TEX11: variants seen among roughly 807,000 people sequenced by gnomAD.
TEX11 encodes testis expressed 11.
Under a neutral mutation model 84.4 loss-of-function variants are expected in TEX11, and 7 were observed. The observed-to-expected ratio is 0.08, with a 90% CI of 0.05 to 0.16. TEX11 has a LOEUF of 0.16. TEX11 is among the 10% of genes least tolerant of loss of function. The pLI is 1.00. For synonymous variants in TEX11, 264 were observed against 222.8 expected (o/e 1.18, Z -1.64); for missense variants, 551 against 660.5 (o/e 0.83, Z 1.82).
At chrX:70,805,730 C>CT (rs1490562198) in intron 9 of TEX11, among the ~76,000 whole-genome samples, 2 of 111,571 alleles carry the variant, frequency 1.8e-5, no homozygotes, top group Admixed American at 9.5e-5. Context: ...ATTCAAAGCA[C>CT]TGCACCTTAT....
At position 70,556,754 on chromosome X, in the gene TEX11, A is replaced by C. The variant is rs2088292014; in HGVS notation, c.2141-1954T>G. On this transcript the variant is annotated intron_variant, in intron 25 of 29. Coordinates refer to ENST00000374333, the MANE Select transcript of TEX11 (RefSeq NM_031276.3). ...TTTCCAAGTAGTTATGGATTTGTCTATTCCTCATTTTAGTTCTAGCAGTTT... is the reference window on the plus strand; with the variant it reads ...TTTCCAAGTAGTTATGGATTTGTCTCTTCCTCATTTTAGTTCTAGCAGTTT... 2.7e-5 allele frequency among the ~76,000 whole-genome samples: 3 copies of C among 111,443 alleles called. No homozygotes were observed. The Admixed American group carries it at 2.9e-4, about 11-fold the overall frequency.
intron 17 of TEX11, among the ~76,000 whole-genome samples, chrX:70,650,270 G>GC (rs1324369144): frequency 9.0e-6 from 1 of 110,973 alleles, no homozygotes; most frequent in African/African-American, 3.3e-5. Flanking sequence ...CCATACACTA[G>GC]CAAGAGTAAA....
At chrX:70,899,480 A>G (rs2091790522) in intron 2 of TEX11, among the ~76,000 whole-genome samples, 1 of 111,060 alleles carries the variant, frequency 9.0e-6, no homozygotes, top group African/African-American at 3.3e-5. Context: ...TTTAAGTTAC[A>G]TTTCTAACTC....
chrX:70,864,869 C>A (rs1312549475), intron 4 of TEX11, among the ~76,000 whole-genome samples: 1 of 110,483 alleles, frequency 9.1e-6, no homozygotes, highest in Non-Finnish European at 1.9e-5. Context: ...GACCACCAGG[C>A]CTGCCTTACA....
intron 25 of TEX11, among the ~76,000 whole-genome samples, chrX:70,570,301 C>T (rs2088573779): frequency 8.9e-6 from 1 of 111,946 alleles, no homozygotes; most frequent in Non-Finnish European, 1.9e-5. Flanking sequence ...TTTCCAGGTG[C>T]CGTCTGTCAC....
chrX:70,520,361 T>A, the TEX11 span, among the ~76,000 whole-genome samples: 2 of 112,507 alleles, frequency 1.8e-5, no homozygotes, highest in African/African-American at 6.5e-5. Flanking sequence ...TAGTTTTCCT[T>A]CTACCAGTCA....
chrX:70,605,627 G>A, intron 23 of TEX11, 110 bp from the exon 24 acceptor site: 1 of 493,013 alleles, frequency 2.0e-6, no homozygotes, highest in Admixed American at 3.2e-5. Flanking sequence ...AAATTCAGCT[G>A]GAAAAGCACA....
chrX:70,625,548 T>G (rs1200283552), intron 18 of TEX11, among the ~76,000 whole-genome samples: 1 of 110,659 alleles, frequency 9.0e-6, no homozygotes, highest in Admixed American at 9.7e-5. Context: ...GTAGGTGTCT[T>G]TCTTGCTCTT....
At chrX:70,884,602 C>T (rs769493059) in intron 2 of TEX11, among the ~76,000 whole-genome samples, 3 of 111,074 alleles carry the variant, frequency 2.7e-5, no homozygotes, top group East Asian at 2.8e-4. Flanking sequence ...TTTCTATCCA[C>T]GGTCACAAAG....
intron 8 of TEX11, among the ~76,000 whole-genome samples, chrX:70,822,064 A>G (rs747482844): frequency 2.7e-5 from 3 of 111,190 alleles, no homozygotes; most frequent in African/African-American, 9.8e-5. Flanking sequence ...TCATCTCTAG[A>G]TTACTTATAA....
intron 9 of TEX11, among the ~76,000 whole-genome samples, chrX:70,783,850 A>G (rs1192382157): frequency 9.0e-6 from 1 of 111,688 alleles, no homozygotes; most frequent in Non-Finnish European, 1.9e-5. Flanking sequence ...TACCAACCAA[A>G]AAAAAGTCCA....
chrX:70,726,836 T>G (rs2147725192), intron 11 of TEX11, among the ~76,000 whole-genome samples: 1 of 104,853 alleles, frequency 9.5e-6, no homozygotes, highest in Admixed American at 1.0e-4. Flanking sequence ...TGGCTGCTTT[T>G]TTTTTTTCAT....
intron 9 of TEX11, among the ~76,000 whole-genome samples, chrX:70,766,377 A>G (rs1031910933): frequency 1.9e-4 from 21 of 109,249 alleles, no homozygotes; most frequent in African/African-American, 3.3e-5. Flanking sequence ...GCGCCACTAC[A>G]CTCCAGCCTG....
chrX:70,624,072 T>C (rs2089424964), intron 19 of TEX11, 66 bp from the exon 20 acceptor site: 2 of 879,542 alleles, frequency 2.3e-6, no homozygotes, highest in Non-Finnish European at 3.2e-6. Context: ...AATGAATACA[T>C]ACCAAGTTAC....
intron 9 of TEX11, 23 bp from the exon 10 acceptor site, chrX:70,744,242 A>T (rs1602090637): frequency 1.9e-6 from 1 of 533,881 alleles, no homozygotes. Context: ...AGGAAAAAAA[A>T]TATATATATA....
At position 70,554,823 on chromosome X, in the gene TEX11, A is replaced by G. The variant is rs776380922; in HGVS notation, c.2141-23T>C. ...TCCCTAAGAAAGAGGCAAAAATGCA[A>G]CATTCTTTGTGATTATATTATATTA... On this transcript the variant is annotated intron_variant, in intron 25 of 29. Coordinates refer to ENST00000374333, the MANE Select transcript of TEX11 (RefSeq NM_031276.3). 11 of 1,180,901 alleles carry G rather than the reference A, an allele frequency of 9.3e-6. No individual in the cohort carries two copies. In the Admixed American group the frequency reaches 2.4e-4, roughly 25 times the overall value.
chrX:70,844,355 G>T (rs1325416219), intron 7 of TEX11, among the ~76,000 whole-genome samples: 2 of 104,928 alleles, frequency 1.9e-5, no homozygotes, highest in Non-Finnish European at 3.9e-5. Context: ...GCAAACTATC[G>T]CAAGGACAAA....
chrX:70,841,073 A>C (rs1348843813), intron 7 of TEX11, among the ~76,000 whole-genome samples: 1 of 111,283 alleles, frequency 9.0e-6, no homozygotes, highest in Admixed American at 9.6e-5. Flanking sequence ...CAGATCAATA[A>C]GACAGAAAGT....
chrX:70,601,837 G>C, intron 24 of TEX11, among the ~76,000 whole-genome samples: 1 of 105,560 alleles, frequency 9.5e-6, no homozygotes, highest in Non-Finnish European at 2.0e-5. Flanking sequence ...ATGTTTCAGA[G>C]AGCACAGGGT....
Sources: allele counts gnomAD v4.1 joint callset (sites outside exome capture counted in the v4.1 genomes callset), GRCh38; gene constraint gnomAD v4.1.1; transcripts MANE v1.5; gene names NCBI Gene and HGNC (gene_info 2026-07-23, HGNC 2026-07-21).